The following CD22 variants were observed in gnomAD, a reference collection of about 807,000 sequenced individuals.
The protein encoded by CD22 is CD22 molecule, also known as B-cell receptor CD22.
In CD22, 51 loss-of-function variants were observed where a neutral mutation model predicts 94.7. That is an observed-to-expected ratio of 0.54 (90% CI 0.43 to 0.68). The LOEUF (loss-of-function observed/expected upper bound fraction) is 0.68, where lower values mean the gene tolerates loss of function less well. Among genes scored for constraint, CD22 ranks in the 30% least tolerant of loss-of-function variants. The pLI is 0.00. For synonymous variants in CD22, 424 were observed against 422.5 expected, an observed-to-expected ratio of 1.00 and a Z score of -0.04; for missense variants, 931 against 1,060.4, an observed-to-expected ratio of 0.88 and a Z score of 1.69.
intron 1 of CD22, 53 bp downstream of exon 1, chr19:35,329,283 C>G: frequency 8.5e-7 from 1 of 1,179,974 alleles, no homozygotes; most frequent in Non-Finnish European, 1.1e-6. Flanking sequence ...TATTACGGAA[C>G]AGCAGTTATG....
In CD22 at chr19:35,337,933, G is replaced by A; in HGVS notation, c.897G>A (p.Val299=). Residue 299 remains valine, a synonymous_variant, in exon 5 of 14, where the codon GTG becomes GTA. Coordinates refer to ENST00000085219, the MANE Select transcript of CD22 (RefSeq NM_001771.4). This position sits in a 1 kb window ranked among gnomAD's most constrained non-coding sequence, Gnocchi z 4.4. ...CATTCACGCTAAACCTGCGCGAAGT[G>A]ACCAAGGACCAGAGTGGGAAGTACT... The part of the protein sequence containing the change: ...QNTFTLNLRE[V]TKDQSGKYCC... 6.2e-7 allele frequency: 1 copy of A among 1,614,238 alleles called. No homozygotes were observed. Among genetic ancestry groups the A allele is most frequent in the Non-Finnish European group, 8.5e-7 (1 of 1,180,038 alleles).
intron 9 of CD22, 150 bp from the exon 10 acceptor site, chr19:35,344,679 G>T: frequency 1.5e-6 from 1 of 656,144 alleles, no homozygotes; most frequent in Non-Finnish European, 2.7e-6. Flanking sequence ...AGCAGGGGCC[G>T]TTGTCACCCT....
chr19:35,330,862 A>G (rs995714566), intron 1 of CD22: 1 of 152,244 alleles, frequency 6.6e-6, no homozygotes, highest in Admixed American at 6.5e-5. Context: ...AAAGATGGGC[A>G]ACAGTTGCAG....
At position 35,346,581 on chromosome 19, in the gene CD22, G is replaced by A. The variant is rs145572086; in HGVS notation, c.2428G>A (p.Val810Ile). The A allele has an allele frequency of 1.5e-4, 246 of 1,603,284 alleles. 1 individual carries two copies. The African/African-American group carries it at 1.9e-3, about 12-fold the overall frequency. Residue 810 changes from valine (V) to isoleucine (I), a missense_variant, in exon 14 of 14, where the codon GTC becomes ATC. Coordinates refer to ENST00000085219, the MANE Select transcript of CD22 (RefSeq NM_001771.4). ...GTTTTCTCAGGGCGACTATGAGAAC[G>A]TCATTCCAGATTTTCCAGAAGATGA... is the stretch of plus-strand genomic sequence containing the variant. ...HKRQVGDYENVIPDFPEDEGI... is the reference protein window; with the variant it reads ...HKRQVGDYENIIPDFPEDEGI...
intron 9 of CD22, among the ~76,000 whole-genome samples, chr19:35,344,316 C>T (rs2066866644): frequency 6.6e-6 from 1 of 152,254 alleles, no homozygotes; most frequent in African/African-American, 2.4e-5. Flanking sequence ...AACCATTGTT[C>T]CCTGGGTATC....
intron 3 of CD22, among the ~76,000 whole-genome samples, chr19:35,335,484 G>C (rs577156359): frequency 6.6e-6 from 1 of 152,202 alleles, no homozygotes; most frequent in Non-Finnish European, 1.5e-5. Context: ...TTGAGCCTAG[G>C]AGGTTGAGGC....
In CD22 at chr19:35,332,429, T is replaced by C. The variant is rs914653458; in HGVS notation, c.35-118T>C. 3.5e-5 allele frequency: 39 copies of C among 1,113,674 alleles called. 2 individuals are homozygous for C. The highest frequency in any genetic ancestry group is 2.8e-4 in the South Asian group (15 of 52,908). The allele number at this position is 1,113,674 out of a possible 1,614,324, so 69.0% of individuals were successfully genotyped here. ...GAGTTCAAGGCCAGCTTGGACAACA[T>C]AGCAAGACCCCTATCTCTAAAAAGA... On this transcript the variant is annotated intron_variant, in intron 2 of 13. Coordinates refer to ENST00000085219, the MANE Select transcript of CD22 (RefSeq NM_001771.4).
chr19:35,344,729 G>A (rs972568264), intron 9 of CD22, 100 bp from the exon 10 acceptor site: 18 of 823,780 alleles, frequency 2.2e-5, no homozygotes, highest in East Asian at 4.9e-5. Context: ...GGAGAAGGAC[G>A]AGTCTGGCTG....
Position 35,337,615 on chromosome 19 carries a change from A to T in CD22, c.719-140A>T, listed in dbSNP as rs1568486602. ...GAGGAAGTGGGAGGGGGAAGCTGAG[A>T]GCCGAGTTAGGAGGCTGTGACCATC... On this transcript the variant is annotated intron_variant, in intron 4 of 13. Coordinates refer to ENST00000085219, the MANE Select transcript of CD22 (RefSeq NM_001771.4). The surrounding 1 kb of genome is among the most constrained non-coding windows in gnomAD (Gnocchi z 4.4). The T allele has an allele frequency of 7.0e-6, 5 of 712,418 alleles. No homozygotes were observed. In the South Asian group the frequency reaches 7.9e-5, roughly 11 times the overall value. 44.1% of individuals were successfully genotyped at this position (712,418 alleles called of 1,614,324 possible).
In CD22 at chr19:35,341,763, T is replaced by C. The variant is rs777455115; in HGVS notation, c.1833T>C (p.Ser611=). 3.7e-6 allele frequency: 6 copies of C among 1,611,766 alleles called. No homozygotes were observed. The highest frequency in any genetic ancestry group is 2.2e-5 in the East Asian group (1 of 44,868). The change falls in exon 9 of 14, where the codon AGT becomes AGC. Residue 611 remains serine, a synonymous_variant. Transcript: ENST00000085219. The surrounding 1 kb of genome is among the most constrained non-coding windows in gnomAD (Gnocchi z 4.0). ...GGGACCAAGTGATGGAGGGGAAGAG[T>C]GCAACCCTGACCTGTGAGAGCGACG... ...SPGDQVMEGK[S]ATLTCESDAN...
intron 3 of CD22, among the ~76,000 whole-genome samples, chr19:35,333,651 G>A (rs193051857): frequency 5.1e-4 from 78 of 152,136 alleles, no homozygotes; most frequent in African/African-American, 1.7e-3. Flanking sequence ...TTGATCTCCC[G>A]GGTTCAAGCA....
At position 35,338,638 on chromosome 19, in the gene CD22, G is replaced by A. The variant is rs550442190; in HGVS notation, c.1249+207G>A. On this transcript the variant is annotated intron_variant, in intron 6 of 13. Coordinates refer to ENST00000085219, the MANE Select transcript of CD22 (RefSeq NM_001771.4). ...TAGATGCTTGTTTTTTTGTGTTTTA[G>A]TTTTTTTTGAGATGGAGTCTCCCTC... Among the ~76,000 whole-genome samples the A allele has an allele frequency of 2.6e-5, 4 of 151,524 alleles. No homozygotes were observed. In the South Asian group the frequency reaches 6.3e-4, roughly 24 times the overall value.
chr19:35,329,221 G>A lies in CD22; in HGVS notation c.-32G>A, dbSNP rs571479056. On this transcript the variant is annotated 5_prime_UTR_variant, in exon 1 of 14. Coordinates refer to ENST00000085219, the MANE Select transcript of CD22 (RefSeq NM_001771.4). ...CAGGGTCCCTGAAGAGGGAAGACACGCGGAAACAGGTAAAAATCATTTTGC... is the reference window on the plus strand; with the variant it reads ...CAGGGTCCCTGAAGAGGGAAGACACACGGAAACAGGTAAAAATCATTTTGC... 590 of 1,289,406 alleles carry A rather than the reference G, an allele frequency of 4.6e-4. 1 individual carries two copies. Among genetic ancestry groups the A allele is most frequent in the Non-Finnish European group, 5.6e-4 (556 of 988,640 alleles). 79.9% of individuals were successfully genotyped at this position (1,289,406 alleles called of 1,614,324 possible).
At chr19:35,343,795 T>C (rs1211254172) in intron 9 of CD22, among the ~76,000 whole-genome samples, 5 of 151,206 alleles carry the variant, frequency 3.3e-5, no homozygotes, top group African/African-American at 9.7e-5. Context: ...CAAAAAAGAG[T>C]CTGAAAGCAT....
At chr19:35,338,045 A>C in intron 5 of CD22, 24 bp downstream of exon 5, 2 of 1,592,128 alleles carry the variant, frequency 1.3e-6, no homozygotes, top group Non-Finnish European at 1.7e-6. Context: ...AGCTGGGGAC[A>C]GGCCAGGCAG....
At chr19:35,336,624 G>C (rs1367744542) in intron 4 of CD22, 1 of 459,820 alleles carries the variant, frequency 2.2e-6, no homozygotes, top group Non-Finnish European at 3.9e-6. Flanking sequence ...TCATTATCTT[G>C]TGCCTCATTC....
At chr19:35,345,918 C>A (rs796963942) in intron 12 of CD22, among the ~76,000 whole-genome samples, 198 bp downstream of exon 12, 5 of 152,364 alleles carry the variant, frequency 3.3e-5, no homozygotes, top group African/African-American at 1.2e-4. Flanking sequence ...CAGCAGCACA[C>A]ATGCCCAGTC....
chr19:35,342,948 C>T (rs575917065), intron 9 of CD22, among the ~76,000 whole-genome samples: 4 of 152,088 alleles, frequency 2.6e-5, no homozygotes, highest in Non-Finnish European at 5.9e-5. Context: ...GTAGCTGGGA[C>T]TACAGGCGCC....
chr19:35,335,984 CG>C, intron 3 of CD22, 51 bp from the exon 4 acceptor site: 1 of 1,507,690 alleles, frequency 6.6e-7, no homozygotes, highest in Non-Finnish European at 9.1e-7. Context: ...GCCAGGTGTA[CG>C]CTCACGTCCT....
Sources: gnomAD v4.1 joint callset for allele counts (sites outside exome capture counted in the v4.1 genomes callset) on GRCh38, gnomAD v4.1.1 for gene constraint, Gnocchi (gnomAD v3.1) non-coding constraint, MANE v1.5 for transcripts, NCBI Gene and HGNC (gene_info 2026-07-23, HGNC 2026-07-21) for gene names.